Variants in THSD7B observed in about 807,000 individuals in gnomAD.
The protein encoded by THSD7B is thrombospondin type 1 domain containing 7B.
THSD7B carries 138 observed loss-of-function variants against 213.6 expected under a neutral mutation model. The ratio of observed to expected loss-of-function variants is 0.65; its 90% CI spans 0.56 to 0.74. The LOEUF is 0.74. Among genes scored for constraint, THSD7B ranks in the 30% least tolerant of loss-of-function variants. The pLI, the probability that THSD7B is intolerant of heterozygous loss-of-function variation, is 0.00. For synonymous variants in THSD7B, 742 were observed against 687.0 expected (o/e 1.08, Z -1.25); for missense variants, 1,931 against 1,991.5 (o/e 0.97, Z 0.58).
intron 2 of THSD7B, among the ~76,000 whole-genome samples, chr2:136,910,770 A>AT (rs1336275498): frequency 6.6e-6 from 1 of 152,028 alleles, no homozygotes; most frequent in Non-Finnish European, 1.5e-5. Flanking sequence ...AAATGATATA[A>AT]TTTTTAATGA....
rs1056484790 is a variant in THSD7B, at chr2:137,601,458, T to C, written c.3424-14717T>C. Among the ~76,000 whole-genome samples, 5 of 152,224 alleles carry C rather than the reference T, an allele frequency of 3.3e-5. No homozygotes were observed. The South Asian group carries it at 1.0e-3, about 31-fold the overall frequency. On this transcript the variant is annotated intron_variant, in intron 17 of 27. Transcript: ENST00000409968. ...TTGTAATTATCTATAGTATTTAGTA[T>C]ACAGTATTCTGTACAGGTTTGTAGC...
chr2:137,196,387 T>G (rs927033781), intron 7 of THSD7B, among the ~76,000 whole-genome samples: 6 of 147,628 alleles, frequency 4.1e-5, no homozygotes, highest in South Asian at 2.2e-4. Flanking sequence ...TTTTTTTTTT[T>G]TTTTTTTTTT....
chr2:137,424,207 T>A (rs999699447), intron 14 of THSD7B, among the ~76,000 whole-genome samples: 4 of 152,068 alleles, frequency 2.6e-5, no homozygotes, highest in Non-Finnish European at 5.9e-5. Flanking sequence ...TATAAAAAAA[T>A]TATAAAAAAA....
At chr2:137,398,160 A>G (rs1327690743) in intron 12 of THSD7B, among the ~76,000 whole-genome samples, 7 of 149,984 alleles carry the variant, frequency 4.7e-5, no homozygotes, top group African/African-American at 1.5e-4. Context: ...GCCTTCTCTC[A>G]GCTCGTCAAA....
chr2:137,643,792 A>C (rs35411120), intron 21 of THSD7B, among the ~76,000 whole-genome samples: 18,704 of 152,158 alleles, frequency 0.12, 1,228 homozygotes, highest in South Asian at 0.15. Context: ...AGGACAAAGG[A>C]TGGGAGGGAG....
intron 12 of THSD7B, among the ~76,000 whole-genome samples, chr2:137,282,646 A>G (rs970539032): frequency 6.6e-6 from 1 of 152,152 alleles, no homozygotes; most frequent in Non-Finnish European, 1.5e-5. Context: ...TCCCAGCACC[A>G]TTTATTAAAT....
chr2:137,387,781 T>C (rs1343351115), intron 12 of THSD7B, among the ~76,000 whole-genome samples: 1 of 152,202 alleles, frequency 6.6e-6, no homozygotes, highest in Non-Finnish European at 1.5e-5. Context: ...ATACCATATT[T>C]TATTCTACCT....
intron 12 of THSD7B, among the ~76,000 whole-genome samples, chr2:137,373,018 G>C (rs546158954): frequency 8.6e-5 from 13 of 151,804 alleles, no homozygotes; most frequent in African/African-American, 2.7e-4. Flanking sequence ...CCCTACAAAG[G>C]ACATGAACTC....
intron 15 of THSD7B, among the ~76,000 whole-genome samples, chr2:137,559,635 A>G (rs1681064761): frequency 6.6e-6 from 1 of 152,218 alleles, no homozygotes. Context: ...AGGCAATACC[A>G]TTCAGGACAT....
At chr2:137,304,963 A>C (rs1166628194) in intron 12 of THSD7B, among the ~76,000 whole-genome samples, 1 of 152,128 alleles carries the variant, frequency 6.6e-6, no homozygotes. Flanking sequence ...TTGAGGATAT[A>C]CCCATGGGGG....
At position 137,637,669 on chromosome 2, in the gene THSD7B, C is replaced by A. The variant is rs569793616; in HGVS notation, c.3800-4819C>A. Reference sequence around the variant, plus strand: ...TTAAAAGTAATAGCATCATTTTTTTCTTTTGCATTTATTAGATTTTCTCTA... The same window carrying A: ...TTAAAAGTAATAGCATCATTTTTTTATTTTGCATTTATTAGATTTTCTCTA... On this transcript the variant is annotated intron_variant, in intron 20 of 27. Transcript: ENST00000409968. Among the ~76,000 whole-genome samples the A allele has an allele frequency of 4.6e-5, 7 of 152,064 alleles. 1 individual carries two copies. In the South Asian group the frequency reaches 1.2e-3, roughly 27 times the overall value.
intron 16 of THSD7B, among the ~76,000 whole-genome samples, chr2:137,566,661 T>C (rs1681245149): frequency 6.6e-6 from 1 of 152,136 alleles, no homozygotes; most frequent in African/African-American, 2.4e-5. Flanking sequence ...TAACCTTTAG[T>C]GTAAGGGACC....
intron 2 of THSD7B, among the ~76,000 whole-genome samples, chr2:137,008,513 T>C (rs207462424): frequency 3.0e-4 from 45 of 152,302 alleles, no homozygotes; most frequent in African/African-American, 9.4e-4. Flanking sequence ...GTGGTTGGTA[T>C]AGTACTTTAG....
chr2:137,305,807 A>G (rs950340131), intron 12 of THSD7B, among the ~76,000 whole-genome samples: 7 of 152,106 alleles, frequency 4.6e-5, no homozygotes, highest in Admixed American at 6.6e-5. Context: ...TGAACATCAT[A>G]GAGTGTACTT....
intron 2 of THSD7B, among the ~76,000 whole-genome samples, chr2:136,989,619 A>G (rs1685730667): frequency 6.6e-6 from 1 of 152,184 alleles, no homozygotes; most frequent in Admixed American, 6.5e-5. Flanking sequence ...GTATTCCTTC[A>G]TGGCGCACAA....
At chr2:137,028,006 A>G (rs1217405439) in intron 2 of THSD7B, among the ~76,000 whole-genome samples, 1 of 152,208 alleles carries the variant, frequency 6.6e-6, no homozygotes, top group Non-Finnish European at 1.5e-5. Context: ...AGTAAATGTT[A>G]GCTAATCTTG....
At chr2:136,781,714 C>T (rs990407134) in intron 1 of THSD7B, among the ~76,000 whole-genome samples, 5 of 152,090 alleles carry the variant, frequency 3.3e-5, no homozygotes, top group Non-Finnish European at 5.9e-5. Flanking sequence ...TGGCCTTCTC[C>T]GCAACCACAT....
chr2:137,518,303 C>A (rs1404461863), intron 15 of THSD7B, among the ~76,000 whole-genome samples: 1 of 152,154 alleles, frequency 6.6e-6, no homozygotes, highest in South Asian at 2.1e-4. Context: ...AGCACTACAG[C>A]CCCTTTCCAG....
chr2:137,595,319 C>T (rs962337444), intron 17 of THSD7B, among the ~76,000 whole-genome samples: 13 of 151,948 alleles, frequency 8.6e-5, no homozygotes, highest in African/African-American at 3.1e-4. Context: ...AAAGTTTCTT[C>T]TTTATATACC....
Sources: allele counts gnomAD v4.1 joint callset (sites outside exome capture counted in the v4.1 genomes callset), GRCh38; gene constraint gnomAD v4.1.1; transcripts MANE v1.5; gene names NCBI Gene and HGNC (gene_info 2026-07-23, HGNC 2026-07-21).